Variants in SFMBT2 observed in about 807,000 individuals in gnomAD.
SFMBT2 encodes the protein Scm like with four mbt domains 2.
SFMBT2 carries 38 observed loss-of-function variants against 110.1 expected under a neutral mutation model. The ratio of observed to expected loss-of-function variants is 0.35; its 90% CI spans 0.27 to 0.45. SFMBT2 has a LOEUF of 0.45. SFMBT2 is among the 20% of genes least tolerant of loss of function. SFMBT2 has a pLI of 1.00. For synonymous variants in SFMBT2, 425 were observed against 425.4 expected (o/e 1.00, Z 0.01); for missense variants, 1,011 against 1,094.9 (o/e 0.92, Z 1.08).
At chr10:7,261,673 A>C (rs1841208430) in intron 7 of SFMBT2, among the ~76,000 whole-genome samples, 1 of 152,218 alleles carries the variant, frequency 6.6e-6, no homozygotes, top group Non-Finnish European at 1.5e-5. Context: ...GTTAAATATT[A>C]AGGAGCTTTA....
chr10:7,191,009 C>T (rs1008420446), intron 15 of SFMBT2, among the ~76,000 whole-genome samples: 3 of 151,824 alleles, frequency 2.0e-5, no homozygotes, highest in Admixed American at 2.0e-4. Context: ...CCCATTCTCT[C>T]GTCTGCTGCC....
At chr10:7,214,922 G>C (rs1251936805) in intron 11 of SFMBT2, among the ~76,000 whole-genome samples, 2 of 152,220 alleles carry the variant, frequency 1.3e-5, no homozygotes, top group African/African-American at 4.8e-5. Context: ...TTTCTGCAGT[G>C]GTAACAACTG....
intron 7 of SFMBT2, among the ~76,000 whole-genome samples, chr10:7,258,946 AG>A (rs1306038455): frequency 2.6e-5 from 4 of 152,356 alleles, no homozygotes; most frequent in African/African-American, 9.6e-5. Flanking sequence ...TTACTTACAG[AG>A]GTAAAGAGCG....
intron 11 of SFMBT2, among the ~76,000 whole-genome samples, chr10:7,213,637 C>T (rs1839430167): frequency 6.6e-6 from 1 of 152,168 alleles, no homozygotes; most frequent in African/African-American, 2.4e-5. Context: ...AATGCTGCTG[C>T]CACGTGGAGA....
intron 15 of SFMBT2, among the ~76,000 whole-genome samples, chr10:7,191,365 T>C (rs1838596388): frequency 6.6e-6 from 1 of 152,190 alleles, no homozygotes; most frequent in Admixed American, 6.5e-5. Flanking sequence ...TCTGGGTCTA[T>C]TCTCACCCTG....
chr10:7,172,197 CG>C lies in SFMBT2; in HGVS notation c.2152-40del. 1.3e-6 allele frequency: 2 copies of C among 1,519,698 alleles called. No individual in the cohort carries two copies. The highest frequency in any genetic ancestry group is 1.8e-6 in the Non-Finnish European group (2 of 1,133,696). 94.1% of individuals were successfully genotyped at this position (1,519,698 alleles called of 1,614,324 possible). Reference sequence around the variant, plus strand: ...AAAGGCATTTAAGGGGCTGGTGGCCCGGGGGCCTGTAGCGGTGGCCCCGCGG... The same window carrying C: ...AAAGGCATTTAAGGGGCTGGTGGCCCGGGGCCTGTAGCGGTGGCCCCGCGG... On this transcript the variant is annotated intron_variant, in intron 18 of 20. Transcript: ENST00000397167. The surrounding 1 kb of genome is among the most constrained non-coding windows in gnomAD (Gnocchi z 4.6).
In SFMBT2 at chr10:7,171,697, A is replaced by G. The variant is rs1471382461; in HGVS notation, c.2415+198T>C. ...AAGAGGCGCTGTCTCCACCCTGGGC[A>G]CTCCATTCTGATGCCGAAAGGCCCC... On this transcript the variant is annotated intron_variant, in intron 19 of 20. Coordinates refer to ENST00000397167, the MANE Select transcript of SFMBT2 (RefSeq NM_001387889.1). This position sits in a 1 kb window ranked among gnomAD's most constrained non-coding sequence, Gnocchi z 4.9. Among the ~76,000 whole-genome samples the G allele has an allele frequency of 1.3e-5, 2 of 152,068 alleles. No homozygotes were observed. Among genetic ancestry groups the G allele is most frequent in the East Asian group, 1.9e-4 (1 of 5,172 alleles).
intron 5 of SFMBT2, 79 bp downstream of exon 5, chr10:7,285,787 T>C (rs1418361719): frequency 2.5e-6 from 2 of 792,192 alleles, no homozygotes; most frequent in African/African-American, 1.7e-5. Context: ...GAAGGATATA[T>C]GCAAAGGTGC....
At chr10:7,267,381 C>T (rs1407192726) in intron 7 of SFMBT2, among the ~76,000 whole-genome samples, 1 of 152,212 alleles carries the variant, frequency 6.6e-6, no homozygotes, top group African/African-American at 2.4e-5. Flanking sequence ...GGATCCCCAA[C>T]ACAGAGGTGT....
chr10:7,271,735 C>A (rs111342606), intron 7 of SFMBT2, among the ~76,000 whole-genome samples: 4,265 of 152,308 alleles, frequency 0.028, 84 homozygotes, highest in Non-Finnish European at 0.045. Flanking sequence ...AGACTTATAG[C>A]TCCACATGGC....
intron 1 of SFMBT2, among the ~76,000 whole-genome samples, chr10:7,385,880 G>A (rs1845590049): frequency 1.3e-5 from 2 of 152,130 alleles, no homozygotes; most frequent in Non-Finnish European, 2.9e-5. Flanking sequence ...GGCACCTGTA[G>A]TCCCAGCTAC....
chr10:7,305,213 A>G (rs1195948314), intron 4 of SFMBT2, among the ~76,000 whole-genome samples: 1 of 152,244 alleles, frequency 6.6e-6, no homozygotes. Context: ...AGGCGACATC[A>G]CCTGCAATCG....
At chr10:7,314,449 C>T (rs766563423) in intron 4 of SFMBT2, among the ~76,000 whole-genome samples, 1 of 152,176 alleles carries the variant, frequency 6.6e-6, no homozygotes, top group South Asian at 2.1e-4. Context: ...AAGAGATACC[C>T]GGAAGAATGA....
rs1033879700 is a variant in SFMBT2, at chr10:7,191,630, A to G, written c.1699-2897T>C. Among the ~76,000 whole-genome samples the G allele has an allele frequency of 3.3e-5, 5 of 152,288 alleles. No homozygotes were observed. The South Asian group carries it at 6.2e-4, about 19-fold the overall frequency. On this transcript the variant is annotated intron_variant, in intron 15 of 20. Coordinates refer to ENST00000397167, the MANE Select transcript of SFMBT2 (RefSeq NM_001387889.1). ...TCCTCCCTTCATTCTCTGGCCTCTC[A>G]TGGATAACTTGTCTTATTATTAGTA...
At chr10:7,272,278 A>G (rs1841610287) in intron 7 of SFMBT2, among the ~76,000 whole-genome samples, 1 of 152,178 alleles carries the variant, frequency 6.6e-6, no homozygotes, top group East Asian at 1.9e-4. Context: ...ACTTTTTTTA[A>G]AAAAGACACA....
At chr10:7,196,181 C>T (rs914535137) in intron 15 of SFMBT2, among the ~76,000 whole-genome samples, 2 of 152,190 alleles carry the variant, frequency 1.3e-5, no homozygotes, top group African/African-American at 2.4e-5. Flanking sequence ...GTCCAAATCA[C>T]TTAAAATATC....
intron 4 of SFMBT2, among the ~76,000 whole-genome samples, chr10:7,310,023 G>A (rs544559683): frequency 6.6e-6 from 1 of 152,104 alleles, no homozygotes; most frequent in South Asian, 2.1e-4. Flanking sequence ...AGTACCCCGG[G>A]TCCTACACAC....
At chr10:7,295,629 A>AT (rs1234521653) in intron 4 of SFMBT2, among the ~76,000 whole-genome samples, 1 of 152,164 alleles carries the variant, frequency 6.6e-6, no homozygotes, top group African/African-American at 2.4e-5. Flanking sequence ...ATTTCTTTTT[A>AT]TTTTTTATTT....
chr10:7,376,725 C>CCCA (rs1845224682), intron 2 of SFMBT2, among the ~76,000 whole-genome samples: 1 of 14,902 alleles, frequency 6.7e-5, no homozygotes, highest in Non-Finnish European at 1.3e-4. Flanking sequence ...AAGGCCCTCC[C>CCCA]ACAAAAAAAA....
Sources: gnomAD v4.1 joint callset for allele counts (sites outside exome capture counted in the v4.1 genomes callset) on GRCh38, gnomAD v4.1.1 for gene constraint, Gnocchi (gnomAD v3.1) non-coding constraint, MANE v1.5 for transcripts, NCBI Gene and HGNC (gene_info 2026-07-23, HGNC 2026-07-21) for gene names.